CLPB: variants seen among roughly 807,000 people sequenced by gnomAD.
CLPB encodes ClpB family mitochondrial disaggregase.
In CLPB, 40 loss-of-function variants were observed where a neutral mutation model predicts 78.4. The ratio of observed to expected loss-of-function variants is 0.51; its 90% confidence interval spans 0.40 to 0.66. The LOEUF (loss-of-function observed/expected upper bound fraction) is 0.66, where lower values mean the gene tolerates loss of function less well. CLPB is among the 30% of genes least tolerant of loss of function. The probability of loss-of-function intolerance (pLI) is 0.00; values close to 1 mark genes in which losing one functional copy is unlikely to be tolerated. For missense variants in CLPB, 780 were observed against 886.9 expected, an observed-to-expected ratio of 0.88 and a Z score of 1.53; for synonymous variants, 333 against 348.0, an observed-to-expected ratio of 0.96 and a Z score of 0.48.
intron 7 of CLPB, among the ~76,000 whole-genome samples, chr11:72,313,634 C>G (rs1306434259): frequency 6.6e-6 from 1 of 152,166 alleles, no homozygotes; most frequent in African/African-American, 2.4e-5. Context: ...AGCCCTGAAT[C>G]CAGGAGGACT....
rs1200095294 is a variant in CLPB, at chr11:72,295,227, C to T, written c.1486+265G>A. The stretch of plus-strand genomic sequence containing the variant: ...TAAGACACTGAGCAGCTTCTGGCCC[C>T]CCACCCTGGTGTAGCTCTGTCCATT... On this transcript the variant is annotated intron_variant, in intron 12 of 15. Transcript: ENST00000538039. 2.6e-5 allele frequency among the ~76,000 whole-genome samples: 4 copies of T among 152,226 alleles called. No individual in the cohort carries two copies. In the East Asian group the frequency reaches 7.7e-4, roughly 29 times the overall value.
intron 4 of CLPB, among the ~76,000 whole-genome samples, chr11:72,362,939 T>C (rs369213182): frequency 1.1e-4 from 16 of 152,240 alleles, no homozygotes; most frequent in African/African-American, 3.9e-4. Context: ...GCAGATCGCT[T>C]GAGCTCAGAA....
intron 2 of CLPB, among the ~76,000 whole-genome samples, chr11:72,418,871 A>AG (rs1190041702): frequency 3.3e-5 from 5 of 151,488 alleles, no homozygotes; most frequent in Non-Finnish European, 5.9e-5. Flanking sequence ...AAAAAAAAAA[A>AG]AGAAAAGAAA....
At chr11:72,388,739 G>C (rs928566515) in intron 3 of CLPB, among the ~76,000 whole-genome samples, 1 of 152,150 alleles carries the variant, frequency 6.6e-6, no homozygotes, top group Non-Finnish European at 1.5e-5. Context: ...AAACGGGTCA[G>C]GCCCTTCTTG....
At chr11:72,308,745 G>A in intron 7 of CLPB, 141 bp from the exon 8 acceptor site, 1 of 747,674 alleles carries the variant, frequency 1.3e-6, no homozygotes, top group South Asian at 1.6e-5. Context: ...CATTAGTGCT[G>A]CCTAATCTGA....
At chr11:72,302,570 G>T in intron 9 of CLPB, 1 of 530,702 alleles carries the variant, frequency 1.9e-6, no homozygotes, top group South Asian at 2.0e-5. Flanking sequence ...CCCAAATCAT[G>T]TACCTGACCT....
In CLPB at chr11:72,433,946, G is replaced by A. The variant is rs554685143; in HGVS notation, c.403+126C>T. 6.4e-5 allele frequency: 76 copies of A among 1,189,530 alleles called. No individual in the cohort carries two copies. The East Asian group carries it at 9.7e-4, about 15-fold the overall frequency. The allele number at this position is 1,189,530 out of a possible 1,614,324, so 73.7% of individuals were successfully genotyped here. A position where few individuals can be genotyped will look rare whatever the true frequency, so the allele number is the denominator to read the frequency against. On this transcript the variant is annotated intron_variant, in intron 1 of 15. Transcript: ENST00000538039. ...CACCCTGCCCCTGTAACCAGATGAT[G>A]TCTGAGTCCCTCCAAGACTTAGGCT... is the stretch of plus-strand genomic sequence containing the variant.
chr11:72,370,456 G>T (rs1291932872), intron 4 of CLPB, among the ~76,000 whole-genome samples: 1 of 152,198 alleles, frequency 6.6e-6, no homozygotes, highest in Admixed American at 6.5e-5. Context: ...ATGGAGAAAT[G>T]ACATGTAGAA....
At chr11:72,396,478 G>A (rs1279271287) in intron 3 of CLPB, among the ~76,000 whole-genome samples, 3 of 152,028 alleles carry the variant, frequency 2.0e-5, no homozygotes, top group East Asian at 1.9e-4. Context: ...GCACCACAAC[G>A]GCCTCACTAT....
At chr11:72,298,902 G>A (rs1949606246) in intron 11 of CLPB, among the ~76,000 whole-genome samples, 1 of 152,170 alleles carries the variant, frequency 6.6e-6, no homozygotes, top group African/African-American at 2.4e-5. Flanking sequence ...CACTCCCTGG[G>A]TTACAGACCT....
chr11:72,294,683 C>T lies in CLPB; in HGVS notation c.1497G>A (p.Gln499=), dbSNP rs577566573. Residue 499 remains glutamine, a synonymous_variant, in exon 13 of 16, where the codon CAG becomes CAA. Coordinates refer to ENST00000538039, the MANE Select transcript of CLPB (RefSeq NM_001258392.3). ...TTGAGATGGTGATCTTGTCACTTATCTGGACATCCCCTGTGGAGAAGAATC... is the reference window on the plus strand; with the variant it reads ...TTGAGATGGTGATCTTGTCACTTATTTGGACATCCCCTGTGGAGAAGAATC... The part of the protein sequence containing the change: ...NRIAENLGDV[Q]ISDKITISKN... The T allele has an allele frequency of 1.9e-6, 3 of 1,613,752 alleles. No homozygotes were observed. The highest frequency in any genetic ancestry group is 2.2e-5 in the South Asian group (2 of 91,090).
intron 3 of CLPB, among the ~76,000 whole-genome samples, chr11:72,390,026 T>G (rs1253250112): frequency 6.6e-6 from 1 of 152,220 alleles, no homozygotes; most frequent in Non-Finnish European, 1.5e-5. Context: ...AAGCAGAGAA[T>G]GTCTATGGCA....
At chr11:72,332,896 A>C (rs1013151476) in intron 5 of CLPB, 3 of 152,162 alleles carry the variant, frequency 2.0e-5, no homozygotes, top group African/African-American at 7.2e-5. Context: ...TATTATATAA[A>C]CAGTGCCATG....
At position 72,313,718 on chromosome 11, in the gene CLPB, C is replaced by T. The variant is rs557365441; in HGVS notation, c.988+3388G>A. Among the ~76,000 whole-genome samples the T allele has an allele frequency of 4.6e-5, 7 of 152,202 alleles. 1 individual carries two copies. In the East Asian group the frequency reaches 7.7e-4, roughly 17 times the overall value. ...TATTTGTGGGGTACATGAGATATTT[C>T]GATATAGGCATACAATCCATAATAA... is the stretch of plus-strand genomic sequence containing the variant. On this transcript the variant is annotated intron_variant, in intron 7 of 15. Coordinates refer to ENST00000538039, the MANE Select transcript of CLPB (RefSeq NM_001258392.3).
intron 11 of CLPB, among the ~76,000 whole-genome samples, chr11:72,300,033 G>A (rs566966764): frequency 1.1e-3 from 164 of 152,224 alleles, no homozygotes; most frequent in African/African-American, 3.8e-3. Flanking sequence ...CTCCCTCAGC[G>A]GCATGGTCCC....
intron 11 of CLPB, among the ~76,000 whole-genome samples, chr11:72,301,123 G>A (rs1185196018): frequency 6.6e-6 from 1 of 152,188 alleles, no homozygotes; most frequent in Non-Finnish European, 1.5e-5. Flanking sequence ...ACCTTGTGAG[G>A]ATTAGTGATA....
At chr11:72,322,259 C>G (rs1195615883) in intron 6 of CLPB, among the ~76,000 whole-genome samples, 1 of 152,078 alleles carries the variant, frequency 6.6e-6, no homozygotes, top group Non-Finnish European at 1.5e-5. Context: ...CCTTTTGCTG[C>G]TAAAGCCAAT....
chr11:72,375,280 G>A (rs1041043477), intron 4 of CLPB, among the ~76,000 whole-genome samples: 7 of 152,128 alleles, frequency 4.6e-5, no homozygotes, highest in South Asian at 4.1e-4. Context: ...GTGTGAATTC[G>A]ACATTGCCCT....
intron 2 of CLPB, among the ~76,000 whole-genome samples, chr11:72,415,038 A>AATC (rs1180682935): frequency 1.3e-5 from 2 of 152,220 alleles, no homozygotes; most frequent in East Asian, 3.9e-4. Context: ...CAACATGGTG[A>AATC]AACCCTATCT....
Sources: gnomAD v4.1 joint callset for allele counts (sites outside exome capture counted in the v4.1 genomes callset) on GRCh38, gnomAD v4.1.1 for gene constraint, MANE v1.5 for transcripts, NCBI Gene and HGNC (gene_info 2026-07-23, HGNC 2026-07-21) for gene names.